The following PLXNA4 variants were observed in gnomAD, a reference collection of about 807,000 sequenced individuals.
PLXNA4 encodes the protein plexin-A4.
Under a neutral mutation model 191.8 loss-of-function variants are expected in PLXNA4, and 44 were observed. The observed-to-expected ratio is 0.23, with a 90% CI of 0.18 to 0.29. The LOEUF (loss-of-function observed/expected upper bound fraction) is 0.29, where lower values mean the gene tolerates loss of function less well. Among genes scored for constraint, PLXNA4 ranks in the 10% least tolerant of loss-of-function variants. The probability of loss-of-function intolerance (pLI) is 1.00; values close to 1 mark genes in which losing one functional copy is unlikely to be tolerated. For synonymous variants in PLXNA4, 1,082 were observed against 1,009.5 expected (o/e 1.07, Z -1.36); for missense variants, 1,800 against 2,488.8 (o/e 0.72, Z 5.89).
intron 15 of PLXNA4, 45 bp from the exon 16 acceptor site, chr7:132,185,508 G>C (rs1238107065): frequency 1.3e-6 from 2 of 1,578,604 alleles, no homozygotes; most frequent in Non-Finnish European, 1.7e-6. Flanking sequence ...GTGTTGAGGA[G>C]GACAGAGGTC....
At chr7:132,278,552 A>G (rs570383313) in intron 4 of PLXNA4, among the ~76,000 whole-genome samples, 6 of 152,312 alleles carry the variant, frequency 3.9e-5, no homozygotes, top group Middle Eastern at 3.4e-3. Flanking sequence ...GTCAATGCCA[A>G]CTAGTTAATA....
At chr7:132,555,050 A>AAAAAAACAAAAAAAC (rs1800733833) in intron 1 of PLXNA4, among the ~76,000 whole-genome samples, 1 of 151,122 alleles carries the variant, frequency 6.6e-6, no homozygotes. Flanking sequence ...TGAAGGAAAA[A>AAAAAAACAAAAAAAC]AAAAAACAAA....
intron 1 of PLXNA4, among the ~76,000 whole-genome samples, chr7:132,529,897 G>C (rs550210325): frequency 6.6e-6 from 1 of 152,114 alleles, no homozygotes; most frequent in Non-Finnish European, 1.5e-5. Flanking sequence ...GAGCCACCGC[G>C]CCTGGCCCCC....
intron 5 of PLXNA4, among the ~76,000 whole-genome samples, chr7:132,234,009 T>A: frequency 6.6e-6 from 1 of 152,138 alleles, no homozygotes; most frequent in African/African-American, 2.4e-5. Flanking sequence ...GCTAGCTCTA[T>A]TAGGGCCTAT....
chr7:132,623,022 C>A (rs1803299726), intron 2 of PLXNA4, among the ~76,000 whole-genome samples: 1 of 152,160 alleles, frequency 6.6e-6, no homozygotes, highest in Admixed American at 6.5e-5. Context: ...CTCCAGGTGA[C>A]CCTTCCAGCC....
At chr7:132,211,652 G>C (rs1797805332) in intron 9 of PLXNA4, among the ~76,000 whole-genome samples, 1 of 152,204 alleles carries the variant, frequency 6.6e-6, no homozygotes, top group Admixed American at 6.5e-5. Flanking sequence ...TTCCCTAAAT[G>C]GGCTGAATCT....
intron 2 of PLXNA4, among the ~76,000 whole-genome samples, chr7:132,636,746 G>A (rs775427428): frequency 2.6e-5 from 4 of 152,120 alleles, no homozygotes; most frequent in Admixed American, 6.5e-5. Flanking sequence ...GCAGAGAAAG[G>A]ACTTCCCAGC....
Position 132,203,403 on chromosome 7 carries a change from A to G in PLXNA4, c.2315T>C (p.Met772Thr). 1 of 1,611,192 alleles carries G rather than the reference A, an allele frequency of 6.2e-7. No individual in the cohort carries two copies. Among genetic ancestry groups the G allele is most frequent in the East Asian group, 2.2e-5 (1 of 44,828 alleles). ...CTCCACGGGCAGGTTGTTGATCTCCATCCCTTCATAGGAATACTGCAGCCA... is the reference window on the plus strand; with the variant it reads ...CTCCACGGGCAGGTTGTTGATCTCCGTCCCTTCATAGGAATACTGCAGCCA... Reference protein sequence around the residue: ...CQNTSYSYEGMEINNLPVELT... With the variant: ...CQNTSYSYEGTEINNLPVELT... Residue 772 changes from methionine (M) to threonine (T), a missense_variant, in exon 11 of 32, where the codon ATG becomes ACG. By Grantham distance (81) the Met-to-Thr change is moderately conservative. This residue lies in a region of PLXNA4 where 1,397 missense variants were observed against 1,880.4 expected (regional missense o/e 0.74). Coordinates refer to ENST00000321063, the MANE Select transcript of PLXNA4 (RefSeq NM_020911.2).
chr7:132,580,887 T>C (rs1190775930), upstream of PLXNA4, among the ~76,000 whole-genome samples: 1 of 152,136 alleles, frequency 6.6e-6, no homozygotes, highest in Non-Finnish European at 1.5e-5. Flanking sequence ...CTTAAAAACC[T>C]AAATTGTGGC....
chr7:132,270,188 G>A (rs946769467), intron 4 of PLXNA4, among the ~76,000 whole-genome samples: 2 of 152,064 alleles, frequency 1.3e-5, no homozygotes, highest in African/African-American at 2.4e-5. Flanking sequence ...TCCATACCAC[G>A]TATGGAGAGA....
At chr7:132,562,100 CCTCCTCCTCCTTCTCTCCTT>C (rs1563173561) in intron 1 of PLXNA4, among the ~76,000 whole-genome samples, 38 of 117,642 alleles carry the variant, frequency 3.2e-4, no homozygotes, top group African/African-American at 1.3e-3. Flanking sequence ...CCTCCTTTCT[CCTCCTCCTCCTTCTCTCCTT>C]CTCCTCCTCC....
At position 132,298,221 on chromosome 7, in the gene PLXNA4, A is replaced by G. The variant is rs1801177328; in HGVS notation, c.1373T>C (p.Ile458Thr). The change falls in exon 4 of 32, where the codon ATC becomes ACC. Residue 458 changes from isoleucine to threonine, a missense_variant and splice_region_variant. Ile to Thr is a moderately conservative substitution (Grantham distance 89). Around this residue, in one of 6 missense-constraint regions of PLXNA4, gnomAD observed 1,397 missense variants for 1,880.4 expected, o/e 0.74. Transcript: ENST00000321063. ...VGTKSGKLKK[I>T]RVDGPRGNAL... ...GTTGCCCCTGGGTCCATCCACCCGG[A>G]TCTGTGGAGAAGAAGAGGAGAGCCA... 2 of 1,611,366 alleles carry G rather than the reference A, an allele frequency of 1.2e-6. No homozygotes were observed. The highest frequency in any genetic ancestry group is 1.3e-5 in the African/African-American group (1 of 74,858).
intron 3 of PLXNA4, among the ~76,000 whole-genome samples, chr7:132,385,735 T>C (rs1424296928): frequency 6.6e-6 from 1 of 152,228 alleles, no homozygotes; most frequent in Non-Finnish European, 1.5e-5. Context: ...CGCGTGCGCA[T>C]GCACACATGG....
At chr7:132,474,039 A>G (rs73442721) in intron 3 of PLXNA4, among the ~76,000 whole-genome samples, 6,210 of 152,110 alleles carry the variant, frequency 0.041, 204 homozygotes, top group African/African-American at 0.082. Flanking sequence ...AACAGAAATG[A>G]CAAAAAACAA....
intron 5 of PLXNA4, 35 bp downstream of exon 5, chr7:132,241,031 T>C: frequency 6.8e-7 from 1 of 1,472,458 alleles, no homozygotes. Context: ...CAGGAGGAAG[T>C]GGGAGGCACG....
At chr7:132,454,311 T>A (rs1266524622) in intron 3 of PLXNA4, among the ~76,000 whole-genome samples, 3 of 152,214 alleles carry the variant, frequency 2.0e-5, no homozygotes, top group Non-Finnish European at 4.4e-5. Flanking sequence ...TTCTTGTTCC[T>A]GCTTCTGCAT....
chr7:132,166,372 T>TTTTTTTTTTTTTTTTTTTTTTTTTTTGA (rs1198306499), intron 22 of PLXNA4, among the ~76,000 whole-genome samples: 2 of 148,802 alleles, frequency 1.3e-5, no homozygotes, highest in Non-Finnish European at 3.0e-5. Context: ...TCTTTTACTT[T>TTTTTTTTTTTTTTTTTTTTTTTTTTTGA]GGAAGTGAAG....
chr7:132,203,527 T>A, intron 10 of PLXNA4, 108 bp from the exon 11 acceptor site: 1 of 902,546 alleles, frequency 1.1e-6, no homozygotes, highest in Non-Finnish European at 1.8e-6. Context: ...GGCTAAAGAC[T>A]GGCCAAGACT....
At chr7:132,554,353 C>T (rs1437490702) in intron 1 of PLXNA4, among the ~76,000 whole-genome samples, 1 of 152,130 alleles carries the variant, frequency 6.6e-6, no homozygotes, top group Non-Finnish European at 1.5e-5. Context: ...GTGGAAAGAC[C>T]ACCTCCACAA....
Sources: gnomAD v4.1 joint callset for allele counts (sites outside exome capture counted in the v4.1 genomes callset) on GRCh38, gnomAD v4.1.1 for gene constraint, gnomAD v4.1.1 regional missense constraint, MANE v1.5 for transcripts, NCBI Gene and HGNC (gene_info 2026-07-23, HGNC 2026-07-21) for gene names.